The following NME7 variants were observed in gnomAD, a reference collection of about 807,000 sequenced individuals.
The protein encoded by NME7 is NME/NM23 family member 7, also known as nucleoside diphosphate kinase 7.
In NME7, 41 loss-of-function variants were observed where a neutral mutation model predicts 49.1. That is an observed-to-expected ratio of 0.83 (90% CI 0.65 to 1.08). The LOEUF (loss-of-function observed/expected upper bound fraction) is 1.08. Ranked by LOEUF, NME7 falls within the 50% of genes least tolerant of loss-of-function variation. The pLI is 0.00. For missense variants in NME7, 423 were observed against 463.4 expected (o/e 0.91, Z 0.80); for synonymous variants, 139 against 150.6 (o/e 0.92, Z 0.56).
rs1208286 is a variant in NME7 at position 169,275,457 on chromosome 1, C to T, written c.754+11846G>A. 9.2e-5 allele frequency among the ~76,000 whole-genome samples: 8 copies of T among 87,334 alleles called. 2 individuals carry two copies. Among genetic ancestry groups the T allele is most frequent in the South Asian group, 7.2e-4 (2 of 2,772 alleles). 57.3% of individuals were successfully genotyped at this position (87,334 alleles called of 152,430 possible). A position where few individuals can be genotyped will look rare whatever the true frequency, so the allele number is the denominator to read the frequency against. On this transcript the variant is annotated intron_variant, in intron 7 of 11. Coordinates refer to ENST00000367811, the MANE Select transcript of NME7 (RefSeq NM_013330.5). ...TCGCGCCACTGCACTCCAGCCTGGG[C>T]GACAGAGCGAAACTCCGTCTCAAAA...
rs560494171 is a variant in NME7, at chr1:169,363,132, G to C, written c.3+4576C>G. On this transcript the variant is annotated intron_variant, in intron 1 of 11. Coordinates refer to ENST00000367811, the MANE Select transcript of NME7 (RefSeq NM_013330.5). ...CACACACCTATTATCCTAGCTGCTC[G>C]GAAGGCTGAGGCTGGAGGATCACTT... 2.6e-5 allele frequency among the ~76,000 whole-genome samples: 4 copies of C among 151,852 alleles called. No homozygotes were observed. The East Asian group carries it at 7.7e-4, about 29-fold the overall frequency.
At chr1:169,205,414 T>C (rs897759212) in intron 10 of NME7, among the ~76,000 whole-genome samples, 3 of 152,128 alleles carry the variant, frequency 2.0e-5, no homozygotes, top group African/African-American at 7.2e-5. Flanking sequence ...ATCTTGCCCA[T>C]TATGTGTCAA....
intron 1 of NME7, among the ~76,000 whole-genome samples, chr1:169,346,389 C>T (rs768535261): frequency 2.0e-4 from 30 of 152,136 alleles, no homozygotes; most frequent in Non-Finnish European, 3.1e-4. Flanking sequence ...CTTGAACATA[C>T]GGCATGCTCC....
intron 4 of NME7, 60 bp downstream of exon 4, chr1:169,309,908 CAG>C: frequency 1.0e-6 from 1 of 980,072 alleles, no homozygotes; most frequent in Non-Finnish European, 1.5e-6. Flanking sequence ...ACAAGAAAGA[CAG>C]AAAATGATTT....
At chr1:169,241,050 C>A (rs1648066734) in intron 7 of NME7, among the ~76,000 whole-genome samples, 2 of 152,088 alleles carry the variant, frequency 1.3e-5, no homozygotes, top group African/African-American at 4.8e-5. Context: ...GAAAAAGCAT[C>A]TAATTGAGCT....
chr1:169,132,566 A>G lies in NME7; in HGVS notation c.*219T>C, dbSNP rs112941951. 4.4e-4 allele frequency: 190 copies of G among 433,164 alleles called. 1 individual carries two copies. The highest frequency in any genetic ancestry group is 3.7e-3 in the African/African-American group (182 of 48,998). 26.8% of individuals were successfully genotyped at this position (433,164 alleles called of 1,614,324 possible). ...ATAAATCTTTATTTTGAACTTTATA[A>G]AAAGCAATGCAGTACCCCATAGACT... On this transcript the variant is annotated 3_prime_UTR_variant, in exon 12 of 12. Coordinates refer to ENST00000367811, the MANE Select transcript of NME7 (RefSeq NM_013330.5).
At chr1:169,176,737 T>C (rs370505913) in intron 10 of NME7, among the ~76,000 whole-genome samples, 1 of 139,350 alleles carries the variant, frequency 7.2e-6, no homozygotes, top group African/African-American at 2.6e-5. Flanking sequence ...TCTTGGTTCT[T>C]TTTTAAAAGA....
chr1:169,170,554 TTTA>T (rs763846864), intron 10 of NME7, among the ~76,000 whole-genome samples: 33 of 152,348 alleles, frequency 2.2e-4, no homozygotes, highest in Non-Finnish European at 3.7e-4. Context: ...GTCTTTATAT[TTTA>T]TTTCATATTT....
chr1:169,278,182 G>A (rs1452261557), intron 7 of NME7, among the ~76,000 whole-genome samples: 14 of 149,080 alleles, frequency 9.4e-5, no homozygotes, highest in Non-Finnish European at 1.5e-4. Flanking sequence ...TGCTCTTCTC[G>A]AGGAGTATCT....
chr1:169,269,324 A>T (rs1465732629), intron 7 of NME7, among the ~76,000 whole-genome samples: 1 of 134,020 alleles, frequency 7.5e-6, no homozygotes, highest in East Asian at 2.0e-4. Flanking sequence ...AATTCCATCC[A>T]ACTGTTTACT....
chr1:169,277,073 T>G (rs530683185), intron 7 of NME7, among the ~76,000 whole-genome samples: 10 of 150,726 alleles, frequency 6.6e-5, no homozygotes, highest in African/African-American at 2.4e-4. Context: ...TAATTTCTGT[T>G]CTTTTACACT....
intron 10 of NME7, among the ~76,000 whole-genome samples, chr1:169,228,683 CAA>C (rs747705690): frequency 1.0e-4 from 9 of 90,416 alleles, no homozygotes; most frequent in African/African-American, 2.7e-4. Context: ...GACTCCGTCT[CAA>C]AAAAAAAAAA....
chr1:169,356,059 C>G (rs1653459429), intron 1 of NME7, among the ~76,000 whole-genome samples: 1 of 152,174 alleles, frequency 6.6e-6, no homozygotes. Flanking sequence ...TACCAAGTAA[C>G]TAGCAGGGAA....
At chr1:169,176,428 C>G (rs1410652549) in intron 10 of NME7, among the ~76,000 whole-genome samples, 1 of 152,142 alleles carries the variant, frequency 6.6e-6, no homozygotes, top group Non-Finnish European at 1.5e-5. Context: ...TGAGGAATCA[C>G]TAAAACATCA....
intron 10 of NME7, among the ~76,000 whole-genome samples, chr1:169,195,574 T>C (rs1185588569): frequency 1.3e-5 from 2 of 152,126 alleles, no homozygotes; most frequent in African/African-American, 2.4e-5. Context: ...TCTCCAACTA[T>C]AAGATGAACA....
intron 1 of NME7, among the ~76,000 whole-genome samples, chr1:169,326,937 T>A (rs1160917238): frequency 1.3e-5 from 2 of 152,186 alleles, no homozygotes; most frequent in African/African-American, 4.8e-5. Flanking sequence ...AAGGAGGAAC[T>A]TGGTTTCCTT....
Position 169,309,920 on chromosome 1 carries a change from T to A in NME7, c.389+50A>T, listed in dbSNP as rs201169816. On this transcript the variant is annotated intron_variant, in intron 4 of 11. Transcript: ENST00000367811. ...ATGACAAGAAAGACAGAAAATGATT[T>A]TTTAAAAAGGAATCAGACATTACAT... The A allele has an allele frequency of 6.3e-4, 669 of 1,065,480 alleles. 4 individuals are homozygous for A. Among genetic ancestry groups the A allele is most frequent in the Middle Eastern group, 6.0e-3 (22 of 3,652 alleles). 66.0% of individuals were successfully genotyped at this position (1,065,480 alleles called of 1,614,324 possible). A position where few individuals can be genotyped will look rare whatever the true frequency, so the allele number is the denominator to read the frequency against.
chr1:169,182,330 A>C (rs938721362), intron 10 of NME7, among the ~76,000 whole-genome samples: 1 of 152,076 alleles, frequency 6.6e-6, no homozygotes, highest in Non-Finnish European at 1.5e-5. Context: ...CAGGGCTCTT[A>C]TACTCAGCTT....
chr1:169,175,468 T>C (rs1349533666), intron 10 of NME7, among the ~76,000 whole-genome samples: 1 of 152,182 alleles, frequency 6.6e-6, no homozygotes, highest in Non-Finnish European at 1.5e-5. Flanking sequence ...TTATGTACTA[T>C]ACATAATTTT....
Sources: gnomAD v4.1 joint callset for allele counts (sites outside exome capture counted in the v4.1 genomes callset) on GRCh38, gnomAD v4.1.1 for gene constraint, MANE v1.5 for transcripts, NCBI Gene and HGNC (gene_info 2026-07-23, HGNC 2026-07-21) for gene names.